Variants in FLT1 observed in about 807,000 individuals in gnomAD.
The protein encoded by FLT1 is fms related receptor tyrosine kinase 1.
In FLT1, 49 loss-of-function variants were observed where a neutral mutation model predicts 156.3. The observed-to-expected ratio is 0.31, with a 90% CI of 0.25 to 0.40. The LOEUF is 0.40. FLT1 is among the 10% of genes least tolerant of loss of function. FLT1 has a pLI of 1.00. For missense variants in FLT1, 1,322 were observed against 1,637.2 expected (o/e 0.81, Z 3.32); for synonymous variants, 594 against 583.8 (o/e 1.02, Z -0.25).
At chr13:28,336,653 C>A (rs1279389389) in intron 17 of FLT1, among the ~76,000 whole-genome samples, 1 of 152,116 alleles carries the variant, frequency 6.6e-6, no homozygotes, top group Non-Finnish European at 1.5e-5. Context: ...TTGCCAAACT[C>A]CTGACTCCCT....
chr13:28,411,626 C>G (rs1876196072), intron 10 of FLT1, among the ~76,000 whole-genome samples: 1 of 147,252 alleles, frequency 6.8e-6, no homozygotes, highest in Non-Finnish European at 1.5e-5. Context: ...TCCTTGGTAA[C>G]ATATTTTTGT....
At chr13:28,412,946 A>T (rs1876401126) in intron 10 of FLT1, among the ~76,000 whole-genome samples, 1 of 151,958 alleles carries the variant, frequency 6.6e-6, no homozygotes, top group Non-Finnish European at 1.5e-5. Context: ...GTTTAGACAG[A>T]ATGGTTCCTG....
rs750514520 is a variant in FLT1 at position 28,322,754 on chromosome 13, T to C, written c.2953+36A>G. ...AGATGCATAGTATGTTGTAAAAATA[T>C]CTCAGCGCGTAGGACAGGAAGGAAT... On this transcript the variant is annotated intron_variant, in intron 21 of 29. Transcript: ENST00000282397. The surrounding 1 kb of genome is among the most constrained non-coding windows in gnomAD (Gnocchi z 4.3). 1 of 1,603,736 alleles carries C rather than the reference T, an allele frequency of 6.2e-7. No homozygotes were observed. Among genetic ancestry groups the C allele is most frequent in the Non-Finnish European group, 8.5e-7 (1 of 1,171,884 alleles).
At chr13:28,489,683 A>G (rs1881366430) in intron 1 of FLT1, among the ~76,000 whole-genome samples, 1 of 152,144 alleles carries the variant, frequency 6.6e-6, no homozygotes, top group Non-Finnish European at 1.5e-5. Flanking sequence ...GCGCCTCTGA[A>G]GAAGGGGGAA....
chr13:28,442,066 G>T (rs975726518), intron 3 of FLT1, among the ~76,000 whole-genome samples: 6 of 152,164 alleles, frequency 3.9e-5, no homozygotes, highest in Non-Finnish European at 5.9e-5. Context: ...AAATCTCAGT[G>T]GGTGTAGTAA....
At chr13:28,317,268 G>T (rs1316650760) in intron 25 of FLT1, among the ~76,000 whole-genome samples, 2 of 152,204 alleles carry the variant, frequency 1.3e-5, no homozygotes, top group East Asian at 3.9e-4. Flanking sequence ...CATGTCAGTG[G>T]TCAGGACAGG....
chr13:28,431,103 T>A, intron 7 of FLT1, 33 bp downstream of exon 7: 1 of 1,564,398 alleles, frequency 6.4e-7, no homozygotes, highest in Non-Finnish European at 8.8e-7. Context: ...TTAGAAAGCA[T>A]AGCATGAGTT....
At chr13:28,343,384 TC>T (rs998988237) in intron 16 of FLT1, among the ~76,000 whole-genome samples, 15 of 151,260 alleles carry the variant, frequency 9.9e-5, no homozygotes, top group African/African-American at 3.6e-4. Flanking sequence ...CACTGCAACC[TC>T]CGCCCCCGGG....
chr13:28,446,912 T>C (rs1398328029), intron 3 of FLT1, among the ~76,000 whole-genome samples: 1 of 152,076 alleles, frequency 6.6e-6, no homozygotes, highest in Non-Finnish European at 1.5e-5. Context: ...AAAACTACAA[T>C]GATCAAGACA....
In FLT1 at chr13:28,302,867, C is replaced by T. The variant is rs574438561; in HGVS notation, c.*300G>A. On this transcript the variant is annotated 3_prime_UTR_variant, in exon 30 of 30. Coordinates refer to ENST00000282397, the MANE Select transcript of FLT1 (RefSeq NM_002019.4). ...CAGCTCCTCAATCAAACTGGTCCTG[C>T]GTGCCCTGAGGTGGCGGGGGTTGGA... The T allele has an allele frequency of 3.8e-5, 17 of 453,126 alleles. No homozygotes were observed. The highest frequency in any genetic ancestry group is 7.1e-5 in the Admixed American group (2 of 28,054). 28.1% of individuals were successfully genotyped at this position (453,126 alleles called of 1,614,324 possible).
At chr13:28,387,112 A>G in intron 13 of FLT1, 1 of 1,036,174 alleles carries the variant, frequency 9.7e-7, no homozygotes, top group Non-Finnish European at 1.2e-6. Flanking sequence ...GTCATTAAGA[A>G]TCCCAAAGGC....
intron 3 of FLT1, among the ~76,000 whole-genome samples, chr13:28,454,906 C>A (rs749706174): frequency 1.6e-4 from 25 of 152,208 alleles, no homozygotes; most frequent in South Asian, 4.1e-4. Flanking sequence ...TGCATTAGCA[C>A]CCCCAAAAGT....
chr13:28,480,944 G>A (rs1880801181), intron 1 of FLT1, among the ~76,000 whole-genome samples: 1 of 152,230 alleles, frequency 6.6e-6, no homozygotes, highest in Non-Finnish European at 1.5e-5. Context: ...CAGATGTGAT[G>A]CGTTAGCCAG....
Position 28,303,152 on chromosome 13 carries a change from G to A in FLT1, c.*15C>T, listed in dbSNP as rs769612931. The A allele has an allele frequency of 6.2e-7, 1 of 1,604,538 alleles. No individual in the cohort carries two copies. Among genetic ancestry groups the A allele is most frequent in the Admixed American group, 1.7e-5 (1 of 59,982 alleles). ...ATACACATGTGCTTCTAGAAATAAG[G>A]CTTCGTGTCAAACTCTAGATGGGTG... On this transcript the variant is annotated 3_prime_UTR_variant, in exon 30 of 30. Transcript: ENST00000282397.
intron 19 of FLT1, among the ~76,000 whole-genome samples, chr13:28,328,957 A>C (rs971257430): frequency 2.0e-5 from 3 of 151,626 alleles, no homozygotes; most frequent in Admixed American, 2.0e-4. Flanking sequence ...CTCTCTAACC[A>C]CCTCCGCCCC....
intron 15 of FLT1, among the ~76,000 whole-genome samples, chr13:28,349,132 C>T (rs1031189553): frequency 2.6e-5 from 4 of 152,224 alleles, no homozygotes; most frequent in Middle Eastern, 3.4e-3. Flanking sequence ...GGGCTATGGT[C>T]CTCTTCTTCA....
rs534320665 is a variant in FLT1 at position 28,345,611 on chromosome 13, T to C, written c.2249-60A>G. On this transcript the variant is annotated intron_variant, in intron 15 of 29. Transcript: ENST00000282397. ...AAAGAAATTCCCAAACTCAGAATCTTTGTGGTTTTATAAAAGAGGCTCAGT... is the reference window on the plus strand; with the variant it reads ...AAAGAAATTCCCAAACTCAGAATCTCTGTGGTTTTATAAAAGAGGCTCAGT... The C allele has an allele frequency of 4.9e-5, 53 of 1,083,862 alleles. No homozygotes were observed. The African/African-American group carries it at 6.6e-4, about 13-fold the overall frequency. 67.1% of individuals were successfully genotyped at this position (1,083,862 alleles called of 1,614,324 possible).
intron 27 of FLT1, among the ~76,000 whole-genome samples, chr13:28,310,994 A>G (rs1352139902): frequency 1.3e-5 from 2 of 152,148 alleles, no homozygotes; most frequent in African/African-American, 4.8e-5. Context: ...TACACAGGAG[A>G]ATGTCCTTCT....
intron 14 of FLT1, among the ~76,000 whole-genome samples, chr13:28,374,029 A>AG (rs1873736016): frequency 6.6e-6 from 1 of 152,180 alleles, no homozygotes; most frequent in South Asian, 2.1e-4. Flanking sequence ...GTTAATTCAT[A>AG]GTCAAAAAAG....
Sources: gnomAD v4.1 joint callset for allele counts (sites outside exome capture counted in the v4.1 genomes callset) on GRCh38, gnomAD v4.1.1 for gene constraint, Gnocchi (gnomAD v3.1) non-coding constraint, MANE v1.5 for transcripts, NCBI Gene and HGNC (gene_info 2026-07-23, HGNC 2026-07-21) for gene names.